PTPRB: variants seen among roughly 807,000 people sequenced by gnomAD.
PTPRB encodes the protein protein tyrosine phosphatase receptor type B, also known as receptor-type tyrosine-protein phosphatase beta.
A neutral mutation model predicts 238.1 loss-of-function variants in PTPRB; 97 were observed. The observed-to-expected ratio is 0.41, with a 90% CI of 0.35 to 0.48. The LOEUF is 0.48. Ranked by LOEUF, PTPRB falls within the 20% of genes least tolerant of loss-of-function variation. The pLI is 0.30. For missense variants in PTPRB, 2,292 were observed against 2,681.9 expected (o/e 0.85, Z 3.21); for synonymous variants, 970 against 995.4 (o/e 0.97, Z 0.48).
intron 8 of PTPRB, among the ~76,000 whole-genome samples, chr12:70,589,523 C>T (rs924547841): frequency 2.6e-5 from 4 of 152,146 alleles, no homozygotes; most frequent in Non-Finnish European, 5.9e-5. Flanking sequence ...CCTGTTTTCT[C>T]ATTTCAGTAT....
intron 9 of PTPRB, among the ~76,000 whole-genome samples, chr12:70,585,556 C>T (rs927583664): frequency 6.6e-6 from 1 of 152,074 alleles, no homozygotes; most frequent in Non-Finnish European, 1.5e-5. Flanking sequence ...GCTCTTTCCC[C>T]TTTCATCTCC....
chr12:70,627,569 A>G (rs1182445318), intron 2 of PTPRB, among the ~76,000 whole-genome samples: 1 of 152,016 alleles, frequency 6.6e-6, no homozygotes, highest in Non-Finnish European at 1.5e-5. Context: ...GAGGCAAAAG[A>G]ACCCAGGGCC....
At position 70,544,603 on chromosome 12, in the gene PTPRB, T is replaced by C. The variant is rs77630153; in HGVS notation, c.5448A>G (p.Pro1816=). The change falls in exon 22 of 34, where the codon CCA becomes CCG. Residue 1816 remains proline (P), a synonymous_variant. Coordinates refer to ENST00000334414, the MANE Select transcript of PTPRB (RefSeq NM_001109754.4). ...AAGAAAAAAATGTGTCTGAATAGAG[T>C]GGCTTTGTGAATTCCTTCAGGTCCT... is the stretch of plus-strand genomic sequence containing the variant. The part of the protein sequence containing the change: ...FDEDLKEFTK[P]LYSDTFFSLP... 5.3e-3 allele frequency: 8,463 copies of C among 1,610,850 alleles called. 27 individuals carry two copies. The highest frequency in any genetic ancestry group is 6.4e-3 in the Non-Finnish European group (7,529 of 1,178,876).
intron 22 of PTPRB, among the ~76,000 whole-genome samples, chr12:70,543,763 A>T (rs189840502): frequency 1.3e-5 from 2 of 152,344 alleles, no homozygotes; most frequent in Admixed American, 1.3e-4. Flanking sequence ...GTATTCAGAG[A>T]CAGGGCAGTG....
chr12:70,603,060 C>A (rs1157712933), intron 4 of PTPRB, among the ~76,000 whole-genome samples: 1 of 150,620 alleles, frequency 6.6e-6, no homozygotes, highest in African/African-American at 2.4e-5. Context: ...TTGTTTTTTT[C>A]ATTCTGTCCA....
intron 21 of PTPRB, among the ~76,000 whole-genome samples, chr12:70,551,517 C>T (rs1053461751): frequency 1.3e-5 from 2 of 151,980 alleles, no homozygotes; most frequent in Non-Finnish European, 2.9e-5. Context: ...TGTAACAGTA[C>T]GTCATAGTCT....
Position 70,635,682 on chromosome 12 carries a change from C to G in PTPRB, c.440G>C (p.Cys147Ser). 6.2e-7 allele frequency: 1 copy of G among 1,612,962 alleles called. No homozygotes were observed. Among genetic ancestry groups the G allele is most frequent in the Admixed American group, 1.7e-5 (1 of 59,832 alleles). Residue 147 changes from cysteine (C) to serine (S), a missense_variant, in exon 2 of 34, where the codon TGT becomes TCT. By Grantham distance (112) the Cys-to-Ser change is moderately radical. Around this residue, in one of 4 missense-constraint regions of PTPRB, gnomAD observed 1,205 missense variants for 1,287.8 expected, o/e 0.94. Coordinates refer to ENST00000334414, the MANE Select transcript of PTPRB (RefSeq NM_001109754.4). ...AAGGAATAGCTCACCTTTTTGTAAA[C>G]AGAGGCTTTCATTGACCAGTTTTCC... Reference protein sequence around the residue: ...KEGKLVNESLCLQKAGLGAEV... With the variant: ...KEGKLVNESLSLQKAGLGAEV...
intron 6 of PTPRB, among the ~76,000 whole-genome samples, chr12:70,594,210 T>C (rs1882775224): frequency 1.3e-5 from 2 of 152,162 alleles, no homozygotes; most frequent in South Asian, 2.1e-4. Context: ...GATAGAGTAT[T>C]AAAAAGAGAA....
At position 70,581,175 on chromosome 12, in the gene PTPRB, G is replaced by T; in HGVS notation, c.2439C>A (p.Val813=). ...YQVLLIHENV[V]IKNESISSET... is the part of the protein sequence containing the mutation. ...CACTGGAGATGCTTTCATTTTTAAT[G>T]ACCACATTTTCATGGATCAGTAAGA... is the stretch of plus-strand genomic sequence containing the variant. Residue 813 remains valine, a synonymous_variant, in exon 10 of 34, where the codon GTC becomes GTA. Coordinates refer to ENST00000334414, the MANE Select transcript of PTPRB (RefSeq NM_001109754.4). 6.2e-7 allele frequency: 1 copy of T among 1,613,974 alleles called. No individual in the cohort carries two copies. The highest frequency in any genetic ancestry group is 8.5e-7 in the Non-Finnish European group (1 of 1,179,892).
intron 21 of PTPRB, among the ~76,000 whole-genome samples, chr12:70,545,298 A>G (rs1221687571): frequency 6.6e-6 from 1 of 152,230 alleles, no homozygotes; most frequent in Non-Finnish European, 1.5e-5. Flanking sequence ...CGAGATGCCC[A>G]TTAGAGAAGT....
chr12:70,606,633 A>G (rs557976546), intron 4 of PTPRB, among the ~76,000 whole-genome samples: 1 of 152,326 alleles, frequency 6.6e-6, no homozygotes, highest in East Asian at 1.9e-4. Flanking sequence ...TTTGAATATT[A>G]TACTAGTTGG....
intron 19 of PTPRB, among the ~76,000 whole-genome samples, chr12:70,555,589 T>G (rs561259315): frequency 6.6e-6 from 1 of 152,338 alleles, no homozygotes; most frequent in African/African-American, 2.4e-5. Context: ...AAGAGCTCCA[T>G]TATAGCTCTA....
Position 70,539,800 on chromosome 12 carries a change from T to C in PTPRB, c.5696+27A>G, listed in dbSNP as rs766849811. 11 of 1,598,056 alleles carry C rather than the reference T, an allele frequency of 6.9e-6. No individual in the cohort carries two copies. In the East Asian group the frequency reaches 1.8e-4, roughly 26 times the overall value. On this transcript the variant is annotated intron_variant, in intron 25 of 33. Coordinates refer to ENST00000334414, the MANE Select transcript of PTPRB (RefSeq NM_001109754.4). ...ACTCATATTTCAAAGGCAGATAATA[T>C]AGTAATTAATGTGTTCTCTCTCTTA...
chr12:70,606,684 T>C (rs1883974941), intron 4 of PTPRB, among the ~76,000 whole-genome samples: 1 of 152,226 alleles, frequency 6.6e-6, no homozygotes, highest in Non-Finnish European at 1.5e-5. Flanking sequence ...ATGCATCTCA[T>C]CTCTATAGCT....
intron 33 of PTPRB, among the ~76,000 whole-genome samples, chr12:70,522,291 G>A (rs1871738795): frequency 6.6e-6 from 1 of 152,206 alleles, no homozygotes; most frequent in Non-Finnish European, 1.5e-5. Context: ...GCAAGGAATT[G>A]TGGCTGCATC....
At chr12:70,569,560 A>G in intron 14 of PTPRB, 115 bp downstream of exon 14, 2 of 1,271,982 alleles carry the variant, frequency 1.6e-6, no homozygotes, top group African/African-American at 1.5e-5. Flanking sequence ...ATTGAATTGT[A>G]CAAACTTTGG....
chr12:70,584,907 G>A (rs1166767838), intron 9 of PTPRB: 12 of 150,886 alleles, frequency 8.0e-5, no homozygotes, highest in Non-Finnish European at 1.5e-5. Flanking sequence ...GGGATCAAAA[G>A]AGGAGAGAAA....
intron 3 of PTPRB, among the ~76,000 whole-genome samples, chr12:70,612,799 T>A (rs965573807): frequency 6.6e-6 from 1 of 151,982 alleles, no homozygotes; most frequent in African/African-American, 2.4e-5. Context: ...CCAGCCTGGA[T>A]AACATGGAGA....
In PTPRB at chr12:70,537,284, CAAAAAAAAAAAAAAA is replaced by C. The variant is rs58633138; in HGVS notation, c.5946+856_5946+870del. Among the ~76,000 whole-genome samples, 7 of 90,694 alleles carry C rather than the reference CAAAAAAAAAAAAAAA, an allele frequency of 7.7e-5. No individual in the cohort carries two copies. In the South Asian group the frequency reaches 2.1e-3, roughly 28 times the overall value. The allele number at this position is 90,694 out of a possible 152,430, so 59.5% of individuals were successfully genotyped here. A position where few individuals can be genotyped will look rare whatever the true frequency, so the allele number is the denominator to read the frequency against. On this transcript the variant is annotated intron_variant, in intron 28 of 33. Transcript: ENST00000334414. The stretch of plus-strand genomic sequence containing the variant: ...CCTGGCAGACAGAGCAAGACCATCT[CAAAAAAAAAAAAAAA>C]AAAAAAAAAGAAAGAAATACAGATT...
Sources: gnomAD v4.1 joint callset for allele counts (sites outside exome capture counted in the v4.1 genomes callset) on GRCh38, gnomAD v4.1.1 for gene constraint, gnomAD v4.1.1 regional missense constraint, MANE v1.5 for transcripts, NCBI Gene and HGNC (gene_info 2026-07-23, HGNC 2026-07-21) for gene names.